Variants in TAFA1 observed in about 807,000 individuals in gnomAD.
TAFA1 encodes TAFA chemokine like family member 1.
Under a neutral mutation model 18.5 loss-of-function variants are expected in TAFA1, and 4 were observed. The observed-to-expected ratio is 0.22, with a 90% confidence interval of 0.11 to 0.49. TAFA1 has a LOEUF of 0.49. Ranked by LOEUF, TAFA1 falls within the 20% of genes least tolerant of loss-of-function variation. TAFA1 has a pLI of 0.98. For missense variants in TAFA1, 147 were observed against 169.0 expected, an observed-to-expected ratio of 0.87 and a Z score of 0.72; for synonymous variants, 56 against 55.2, an observed-to-expected ratio of 1.01 and a Z score of -0.06.
At chr3:68,474,903 G>GT (rs1048944241) in intron 3 of TAFA1, among the ~76,000 whole-genome samples, 1 of 152,114 alleles carries the variant, frequency 6.6e-6, no homozygotes, top group East Asian at 1.9e-4. Flanking sequence ...GAGTGGCTTT[G>GT]TTTTTTTCAG....
intron 2 of TAFA1, among the ~76,000 whole-genome samples, chr3:68,016,990 T>C (rs1704582793): frequency 6.6e-6 from 1 of 152,260 alleles, no homozygotes; most frequent in Non-Finnish European, 1.5e-5. Flanking sequence ...TTTCAACTAC[T>C]GAGTGTGCTG....
In TAFA1 at chr3:68,190,661, A is replaced by T. The variant is rs1486556457; in HGVS notation, c.118+183917A>T. On this transcript the variant is annotated intron_variant, in intron 2 of 4. Transcript: ENST00000478136. ...GATTCTGCTGCACATTAAATTTGAG[A>T]TCCATAGCCTTAGTTTCTTATGGCG... Among the ~76,000 whole-genome samples the T allele has an allele frequency of 2.0e-5, 3 of 151,714 alleles. No individual in the cohort carries two copies. The East Asian group carries it at 5.8e-4, about 30-fold the overall frequency.
At chr3:68,402,686 C>T (rs1448634231) in intron 2 of TAFA1, among the ~76,000 whole-genome samples, 1 of 152,192 alleles carries the variant, frequency 6.6e-6, no homozygotes, top group African/African-American at 2.4e-5. Flanking sequence ...TTGTTATTAC[C>T]TCTCAGCTAA....
intron 2 of TAFA1, among the ~76,000 whole-genome samples, chr3:68,240,777 A>T (rs2107135481): frequency 6.6e-6 from 1 of 152,316 alleles, no homozygotes; most frequent in East Asian, 1.9e-4. Context: ...ATTTTTACAA[A>T]GTCTTTTCAA....
chr3:68,503,791 A>G (rs2072701615), intron 3 of TAFA1, among the ~76,000 whole-genome samples: 1 of 152,120 alleles, frequency 6.6e-6, no homozygotes, highest in Admixed American at 6.6e-5. Flanking sequence ...TCATTTTCTA[A>G]TAATATTTTG....
chr3:68,224,927 G>C (rs1175706463), intron 2 of TAFA1, among the ~76,000 whole-genome samples: 2 of 47,276 alleles, frequency 4.2e-5, no homozygotes, highest in Non-Finnish European at 7.8e-5. Flanking sequence ...TTTTTTTTTT[G>C]AGATGGAGTC....
the TAFA1 span, among the ~76,000 whole-genome samples, chr3:67,992,936 AC>A: frequency 6.6e-6 from 1 of 152,202 alleles, no homozygotes; most frequent in African/African-American, 2.4e-5. Flanking sequence ...ATCTCTGCTG[AC>A]AGAGCATGGG....
intron 2 of TAFA1, among the ~76,000 whole-genome samples, chr3:68,234,160 A>G (rs2066902040): frequency 6.6e-6 from 1 of 152,192 alleles, no homozygotes; most frequent in Non-Finnish European, 1.5e-5. Context: ...GATTGCTTGA[A>G]CAGATTCCCC....
chr3:68,241,555 T>C (rs2067000495), intron 2 of TAFA1, among the ~76,000 whole-genome samples: 1 of 152,174 alleles, frequency 6.6e-6, no homozygotes. Flanking sequence ...GAACTCCAGC[T>C]AAGTGTGCTT....
intron 2 of TAFA1, among the ~76,000 whole-genome samples, chr3:68,194,006 G>A (rs1326698502): frequency 6.6e-6 from 1 of 151,786 alleles, no homozygotes; most frequent in East Asian, 1.9e-4. Context: ...CACTTCATGT[G>A]TCTTTGTTCT....
intron 2 of TAFA1, among the ~76,000 whole-genome samples, chr3:68,212,083 T>A (rs1343006895): frequency 1.3e-5 from 2 of 151,932 alleles, no homozygotes; most frequent in Non-Finnish European, 2.9e-5. Flanking sequence ...TTACCTAGGA[T>A]AGGGTAGCCA....
chr3:68,112,859 A>G (rs940826754), intron 2 of TAFA1, among the ~76,000 whole-genome samples: 7 of 152,190 alleles, frequency 4.6e-5, no homozygotes, highest in African/African-American at 9.6e-5. Flanking sequence ...ATTATAAAAG[A>G]TATGGAATGT....
chr3:68,304,781 A>G (rs1437569354), intron 2 of TAFA1, among the ~76,000 whole-genome samples: 1 of 152,206 alleles, frequency 6.6e-6, no homozygotes, highest in African/African-American at 2.4e-5. Context: ...TCAGTTGGTA[A>G]GAGGAAGTAA....
chr3:68,216,723 G>A (rs1002544007), intron 2 of TAFA1, among the ~76,000 whole-genome samples: 1 of 152,004 alleles, frequency 6.6e-6, no homozygotes, highest in Non-Finnish European at 1.5e-5. Flanking sequence ...GGAGCATCTT[G>A]TAGTACCAGT....
At position 68,523,164 on chromosome 3, in the gene TAFA1, T is replaced by C. The variant is rs2073053752; in HGVS notation, c.260-15592T>C. On this transcript the variant is annotated intron_variant, in intron 3 of 4. Transcript: ENST00000478136. ...ATGGAATGCCAGGGATGATAGGGAG[T>C]GGCAGGGACTATGGCAAACTGGAGA... 2.6e-5 allele frequency among the ~76,000 whole-genome samples: 4 copies of C among 151,952 alleles called. No individual in the cohort carries two copies. The South Asian group carries it at 8.3e-4, about 32-fold the overall frequency.
chr3:68,307,937 C>T (rs1338962913), intron 2 of TAFA1, among the ~76,000 whole-genome samples: 1 of 152,050 alleles, frequency 6.6e-6, no homozygotes, highest in Admixed American at 6.6e-5. Context: ...ACTGTTTAAG[C>T]CTTCTTAAGT....
In TAFA1 at chr3:68,237,956, C is replaced by T. The variant is rs181708083; in HGVS notation, c.119-179324C>T. ...GGGTTAATTTGATCAGATGTGTCTG[C>T]CCTCCTTGCTTTTGGTCATTTGCTT... On this transcript the variant is annotated intron_variant, in intron 2 of 4. Coordinates refer to ENST00000478136, the MANE Select transcript of TAFA1 (RefSeq NM_213609.4). 1.3e-3 allele frequency among the ~76,000 whole-genome samples: 200 copies of T among 151,910 alleles called. 1 individual carries two copies. Among genetic ancestry groups the T allele is most frequent in the African/African-American group, 4.8e-3 (198 of 41,442 alleles).
At position 68,286,998 on chromosome 3, in the gene TAFA1, G is replaced by A. The variant is rs1378506144; in HGVS notation, c.119-130282G>A. On this transcript the variant is annotated intron_variant, in intron 2 of 4. Coordinates refer to ENST00000478136, the MANE Select transcript of TAFA1 (RefSeq NM_213609.4). ...GCAAGGGAAACACAGCAGTTGTGGGGCCCCCGCAGTCAGCCACAGCACAAA... is the reference window on the plus strand; with the variant it reads ...GCAAGGGAAACACAGCAGTTGTGGGACCCCCGCAGTCAGCCACAGCACAAA... Among the ~76,000 whole-genome samples, 25 of 152,236 alleles carry A rather than the reference G, an allele frequency of 1.6e-4. No individual in the cohort carries two copies. The East Asian group carries it at 4.5e-3, about 27-fold the overall frequency.
intron 2 of TAFA1, among the ~76,000 whole-genome samples, chr3:68,237,397 G>A (rs77155573): frequency 3.1e-4 from 47 of 152,306 alleles, no homozygotes; most frequent in Admixed American, 5.2e-4. Context: ...TATGAATTTG[G>A]AGGGGGTAGG....
Sources: allele counts gnomAD v4.1 joint callset (sites outside exome capture counted in the v4.1 genomes callset), GRCh38; gene constraint gnomAD v4.1.1; transcripts MANE v1.5; gene names NCBI Gene and HGNC (gene_info 2026-07-23, HGNC 2026-07-21).